Variants in PHACTR3 observed in about 807,000 individuals in gnomAD.
PHACTR3 encodes protein phosphatase 1, regulatory subunit 123.
A neutral mutation model predicts 66.8 loss-of-function variants in PHACTR3; 16 were observed. The observed-to-expected ratio is 0.24, with a 90% CI of 0.16 to 0.36. The LOEUF is 0.36. Ranked by LOEUF, PHACTR3 falls within the 10% of genes least tolerant of loss-of-function variation. The pLI is 1.00. For synonymous variants in PHACTR3, 323 were observed against 292.1 expected, an observed-to-expected ratio of 1.11 and a Z score of -1.08; for missense variants, 647 against 719.9, an observed-to-expected ratio of 0.90 and a Z score of 1.16.
In PHACTR3 at chr20:59,830,326, G is replaced by C. The variant is rs934966556; in HGVS notation, c.1329-6179G>C. Among the ~76,000 whole-genome samples the C allele has an allele frequency of 3.0e-4, 45 of 151,148 alleles. No individual in the cohort carries two copies. Among genetic ancestry groups the C allele is most frequent in the African/African-American group, 9.5e-4 (39 of 40,922 alleles). ...ACAGTGTGAGTAGATGATGAAAGAAGGTGTGAGTATTTGATGGAGGAGGGT... is the reference window on the plus strand; with the variant it reads ...ACAGTGTGAGTAGATGATGAAAGAACGTGTGAGTATTTGATGGAGGAGGGT... On this transcript the variant is annotated intron_variant, in intron 8 of 12. Transcript: ENST00000371015. This position sits in a 1 kb window ranked among gnomAD's most constrained non-coding sequence, Gnocchi z 5.8.
At chr20:59,779,789 A>C (rs1451431597) in intron 7 of PHACTR3, among the ~76,000 whole-genome samples, 3 of 152,236 alleles carry the variant, frequency 2.0e-5, no homozygotes, top group Non-Finnish European at 4.4e-5. Flanking sequence ...CCACATGCAC[A>C]TGCGTGCCCA....
chr20:59,815,829 A>G (rs1187083209), intron 8 of PHACTR3, among the ~76,000 whole-genome samples: 5 of 152,050 alleles, frequency 3.3e-5, no homozygotes, highest in South Asian at 2.1e-4. Context: ...GAGAGTTTTA[A>G]GCATGTCAGG....
intron 1 of PHACTR3, among the ~76,000 whole-genome samples, chr20:59,683,735 A>G (rs1464384506): frequency 6.6e-6 from 1 of 151,698 alleles, no homozygotes; most frequent in Non-Finnish European, 1.5e-5. Flanking sequence ...CCAAACTAAG[A>G]CTCTCCTCTT....
At chr20:59,799,968 T>G (rs2041365783) in intron 7 of PHACTR3, among the ~76,000 whole-genome samples, 1 of 152,180 alleles carries the variant, frequency 6.6e-6, no homozygotes, top group South Asian at 2.1e-4. Context: ...CTTTGACTAT[T>G]TCCATAGTTA....
chr20:59,822,005 C>T (rs1299581165), intron 8 of PHACTR3, among the ~76,000 whole-genome samples: 4 of 141,394 alleles, frequency 2.8e-5, no homozygotes, highest in East Asian at 2.2e-4. Flanking sequence ...CCAGCAATCC[C>T]ACCCCTTCCC....
chr20:59,836,419 C>G, intron 8 of PHACTR3, 86 bp from the exon 9 acceptor site: 1 of 1,339,726 alleles, frequency 7.5e-7, no homozygotes, highest in African/African-American at 1.5e-5. Context: ...AGGGGTTTGC[C>G]AGCCACCTCT....
At chr20:59,630,906 C>T (rs1425552185) in intron 1 of PHACTR3, among the ~76,000 whole-genome samples, 1 of 152,044 alleles carries the variant, frequency 6.6e-6, no homozygotes, top group East Asian at 1.9e-4. Flanking sequence ...AGGAAAGTTA[C>T]ACCTGATGGG....
intron 1 of PHACTR3, among the ~76,000 whole-genome samples, chr20:59,723,540 A>C (rs1296603931): frequency 6.6e-6 from 1 of 152,116 alleles, no homozygotes; most frequent in Non-Finnish European, 1.5e-5. Context: ...CTTTGTGTCT[A>C]TTATGAGTAG....
intron 1 of PHACTR3, among the ~76,000 whole-genome samples, chr20:59,665,484 C>A (rs1177474262): frequency 6.6e-6 from 1 of 152,008 alleles, no homozygotes; most frequent in African/African-American, 2.4e-5. Flanking sequence ...TTGCTCAAGC[C>A]AAGTAAAATG....
At chr20:59,773,012 G>A (rs1033797790) in intron 5 of PHACTR3, among the ~76,000 whole-genome samples, 4 of 152,146 alleles carry the variant, frequency 2.6e-5, no homozygotes, top group African/African-American at 7.2e-5. Context: ...TAAGCCCAGC[G>A]CCCTGCAGGG....
intron 1 of PHACTR3, among the ~76,000 whole-genome samples, chr20:59,681,712 T>C (rs531642619): frequency 6.8e-4 from 104 of 152,350 alleles, no homozygotes; most frequent in African/African-American, 2.5e-3. Flanking sequence ...CAGACTTTGA[T>C]AGGAATCAGG....
intron 1 of PHACTR3, among the ~76,000 whole-genome samples, chr20:59,610,999 T>C (rs536713822): frequency 1.5e-4 from 23 of 152,370 alleles, no homozygotes; most frequent in African/African-American, 5.3e-4. Flanking sequence ...GCACCTGCAA[T>C]GCAGCACACT....
intron 1 of PHACTR3, among the ~76,000 whole-genome samples, chr20:59,654,093 T>C (rs2035541688): frequency 6.6e-6 from 1 of 152,210 alleles, no homozygotes; most frequent in Non-Finnish European, 1.5e-5. Flanking sequence ...TCCAACAGGA[T>C]AATGACTAGA....
Position 59,749,205 on chromosome 20 carries a change from G to A in PHACTR3, c.358+1370G>A, listed in dbSNP as rs535625608. Among the ~76,000 whole-genome samples, 15 of 152,180 alleles carry A rather than the reference G, an allele frequency of 9.9e-5. No individual in the cohort carries two copies. In the South Asian group the frequency reaches 1.5e-3, roughly 15 times the overall value. ...ATGGGACAAAAAAGTGTCAAACTCC[G>A]GCATTTTGAATATGTTGCCAACAAG... On this transcript the variant is annotated intron_variant, in intron 3 of 12. Coordinates refer to ENST00000371015, the MANE Select transcript of PHACTR3 (RefSeq NM_080672.5).
At chr20:59,677,540 G>A (rs1330175937) in intron 1 of PHACTR3, among the ~76,000 whole-genome samples, 1 of 152,214 alleles carries the variant, frequency 6.6e-6, no homozygotes, top group Non-Finnish European at 1.5e-5. Context: ...GTTCTTGGAA[G>A]CAACATTGGT....
At chr20:59,749,348 G>C (rs999544186) in intron 3 of PHACTR3, among the ~76,000 whole-genome samples, 4 of 152,146 alleles carry the variant, frequency 2.6e-5, no homozygotes, top group Non-Finnish European at 5.9e-5. Context: ...TATAGATTTG[G>C]TTCCTCTCAA....
intron 8 of PHACTR3, among the ~76,000 whole-genome samples, chr20:59,815,418 G>GTTTTTTT (rs538438640): frequency 1.5e-4 from 20 of 131,748 alleles, no homozygotes; most frequent in Admixed American, 2.4e-4. Flanking sequence ...TGGGGTTCTG[G>GTTTTTTT]TTTTTTTTTT....
At chr20:59,797,940 G>T (rs774113844) in intron 7 of PHACTR3, among the ~76,000 whole-genome samples, 2 of 151,180 alleles carry the variant, frequency 1.3e-5, no homozygotes, top group Non-Finnish European at 2.9e-5. Flanking sequence ...TTCTTTTCTT[G>T]GAATATTTTC....
intron 1 of PHACTR3, among the ~76,000 whole-genome samples, chr20:59,648,283 C>A (rs1298602618): frequency 6.6e-6 from 1 of 151,880 alleles, no homozygotes; most frequent in Non-Finnish European, 1.5e-5. Context: ...CAGGCTCCAG[C>A]CATTTTGAGG....
Sources: allele counts gnomAD v4.1 joint callset (sites outside exome capture counted in the v4.1 genomes callset), GRCh38; gene constraint gnomAD v4.1.1; non-coding constraint Gnocchi (gnomAD v3.1); transcripts MANE v1.5; gene names NCBI Gene and HGNC (gene_info 2026-07-23, HGNC 2026-07-21).